FOCAD: variants seen among roughly 807,000 people sequenced by gnomAD.
FOCAD encodes the protein focadhesin.
A neutral mutation model predicts 225.6 loss-of-function variants in FOCAD; 198 were observed. The observed-to-expected ratio is 0.88, with a 90% CI of 0.78 to 0.99. The LOEUF (loss-of-function observed/expected upper bound fraction) is 0.99. Among genes scored for constraint, FOCAD ranks in the 50% least tolerant of loss-of-function variants. The probability of loss-of-function intolerance (pLI) is 0.00; values close to 1 mark genes in which losing one functional copy is unlikely to be tolerated. For missense variants in FOCAD, 2,713 were observed against 2,123.6 expected (o/e 1.28, Z -5.46); for synonymous variants, 897 against 755.0 (o/e 1.19, Z -3.08).
intron 1 of FOCAD, among the ~76,000 whole-genome samples, chr9:20,700,185 G>A (rs977878067): frequency 6.6e-6 from 1 of 151,508 alleles, no homozygotes; most frequent in Non-Finnish European, 1.5e-5. Context: ...TACCCCAATG[G>A]GAAATACACA....
intron 11 of FOCAD, among the ~76,000 whole-genome samples, chr9:20,816,917 A>G (rs575782159): frequency 6.6e-6 from 1 of 152,160 alleles, no homozygotes; most frequent in South Asian, 2.1e-4. Context: ...AAAGTGTATG[A>G]AAGGATGTGC....
At chr9:20,761,461 C>A (rs1185102518) in intron 6 of FOCAD, among the ~76,000 whole-genome samples, 1 of 152,004 alleles carries the variant, frequency 6.6e-6, no homozygotes, top group Non-Finnish European at 1.5e-5. Context: ...CACTCTGTTG[C>A]CCAGGCTGGA....
intron 1 of FOCAD, among the ~76,000 whole-genome samples, chr9:20,698,301 T>A (rs1247642318): frequency 6.6e-6 from 1 of 152,140 alleles, no homozygotes; most frequent in Admixed American, 6.6e-5. Context: ...GCCTATTTGT[T>A]TTTTTAATTC....
chr9:20,902,978 T>C, intron 21 of FOCAD, among the ~76,000 whole-genome samples: 1 of 152,112 alleles, frequency 6.6e-6, no homozygotes, highest in Non-Finnish European at 1.5e-5. Flanking sequence ...TTTTCAATTC[T>C]ATTTTTATTT....
Position 20,978,455 on chromosome 9 carries a change from G to T in FOCAD, c.4377+1G>T. ...ACCACCACTGATCCACAGTCTGAGT[G>T]TATGTAGTAACTAAGGGTGTTGGCC... is the stretch of plus-strand genomic sequence containing the variant. On this transcript the variant is annotated splice_donor_variant, in intron 37 of 43. Transcript: ENST00000338382. LOFTEE classifies it high-confidence loss of function. The T allele has an allele frequency of 6.3e-7, 1 of 1,592,656 alleles. No individual in the cohort carries two copies.
intron 2 of FOCAD, among the ~76,000 whole-genome samples, chr9:20,673,493 C>A (rs926757636): frequency 6.6e-6 from 1 of 152,064 alleles, no homozygotes; most frequent in African/African-American, 2.4e-5. Context: ...TTTGCATTCT[C>A]CTGGGGGTTA....
chr9:20,978,467 TA>T lies in FOCAD; in HGVS notation c.4377+15del. ...CCACAGTCTGAGTGTATGTAGTAACTAAGGGTGTTGGCCAACAGGAGGATAT... is the reference window on the plus strand; with the variant it reads ...CCACAGTCTGAGTGTATGTAGTAACTAGGGTGTTGGCCAACAGGAGGATAT... On this transcript the variant is annotated intron_variant, in intron 37 of 43. Transcript: ENST00000338382. 1 of 1,549,960 alleles carries T rather than the reference TA, an allele frequency of 6.5e-7. No individual in the cohort carries two copies. The highest frequency in any genetic ancestry group is 1.2e-5 in the South Asian group (1 of 85,112).
At position 20,820,971 on chromosome 9, in the gene FOCAD, A is replaced by G. The variant is rs753188337; in HGVS notation, c.1693A>G (p.Met565Val). Residue 565 changes from methionine to valine, a missense_variant, in exon 14 of 44, where the codon ATG becomes GTG. Transcript: ENST00000338382. ...AGTCTATCCTGAACTGCAGCGTTTC[A>G]TGGCTGTGTCTGATGTACCTTCTCT... ...DRVYPELQRF[M>V]AVSDVPSLSV... is the part of the protein sequence containing the mutation. 1.3e-5 allele frequency: 21 copies of G among 1,612,620 alleles called. No individual in the cohort carries two copies. The highest frequency in any genetic ancestry group is 1.5e-5 in the Non-Finnish European group (18 of 1,179,110).
chr9:20,849,315 T>G (rs1378546514), intron 15 of FOCAD, among the ~76,000 whole-genome samples: 1 of 151,854 alleles, frequency 6.6e-6, no homozygotes, highest in African/African-American at 2.4e-5. Context: ...TGGACTCTTT[T>G]GGAAATCAAC....
chr9:20,724,118 C>T (rs756678893), intron 4 of FOCAD, among the ~76,000 whole-genome samples: 3 of 152,168 alleles, frequency 2.0e-5, no homozygotes, highest in Non-Finnish European at 4.4e-5. Context: ...TCACCCCCTA[C>T]CAGGCCTCAT....
intron 29 of FOCAD, 108 bp downstream of exon 29, chr9:20,944,882 C>A: frequency 1.7e-6 from 2 of 1,191,012 alleles, no homozygotes; most frequent in Non-Finnish European, 2.3e-6. Context: ...TAAATTCTTC[C>A]TCAAAGAGAA....
At chr9:20,766,657 C>A (rs1830076037) in intron 7 of FOCAD, among the ~76,000 whole-genome samples, 1 of 151,656 alleles carries the variant, frequency 6.6e-6, no homozygotes, top group Non-Finnish European at 1.5e-5. Flanking sequence ...TTCCTCCTCA[C>A]CTCCCTCCCT....
At chr9:20,896,814 T>A (rs936421217) in intron 21 of FOCAD, among the ~76,000 whole-genome samples, 1 of 151,898 alleles carries the variant, frequency 6.6e-6, no homozygotes, top group African/African-American at 2.4e-5. Flanking sequence ...TGGTTCAGAA[T>A]GTGGTCAGTA....
chr9:20,854,730 T>C (rs1266399529), intron 15 of FOCAD, among the ~76,000 whole-genome samples: 1 of 151,902 alleles, frequency 6.6e-6, no homozygotes, highest in East Asian at 1.9e-4. Flanking sequence ...CAGTATCTTA[T>C]AGACAGACTA....
intron 15 of FOCAD, among the ~76,000 whole-genome samples, chr9:20,848,815 G>A (rs1047087991): frequency 1.3e-5 from 2 of 151,842 alleles, no homozygotes; most frequent in Non-Finnish European, 2.9e-5. Context: ...AGACATGGCT[G>A]TACTGTAGTT....
At chr9:20,656,740 G>C (rs1251916294), upstream of FOCAD, among the ~76,000 whole-genome samples, 1 of 152,112 alleles carries the variant, frequency 6.6e-6, no homozygotes, top group African/African-American at 2.4e-5. Flanking sequence ...CAATTTGCCA[G>C]TCTGTGTCTT....
At chr9:20,746,087 A>G (rs1470662549) in intron 5 of FOCAD, among the ~76,000 whole-genome samples, 2 of 152,240 alleles carry the variant, frequency 1.3e-5, no homozygotes, top group Non-Finnish European at 2.9e-5. Flanking sequence ...AAGAAAAGCA[A>G]TAGCAAGTCC....
Position 20,882,015 on chromosome 9 carries a change from A to G in FOCAD, c.2462A>G (p.Tyr821Cys), listed in dbSNP as rs781276645. 9 of 1,613,930 alleles carry G rather than the reference A, an allele frequency of 5.6e-6. No individual in the cohort carries two copies. The highest frequency in any genetic ancestry group is 7.6e-6 in the Non-Finnish European group (9 of 1,179,848). ...AGIPNFILKM[Y>C]ETNKQPGLKP... ...ATCCCCAATTTTATATTGAAAATGTATGAAACAAACAAGCAACCAGGACTG... is the reference window on the plus strand; with the variant it reads ...ATCCCCAATTTTATATTGAAAATGTGTGAAACAAACAAGCAACCAGGACTG... Residue 821 changes from tyrosine to cysteine, a missense_variant, in exon 20 of 44, where the codon TAT becomes TGT. Coordinates refer to ENST00000338382, the MANE Select transcript of FOCAD (RefSeq NM_001375567.1).
intron 27 of FOCAD, among the ~76,000 whole-genome samples, chr9:20,932,415 T>C (rs556958605): frequency 1.3e-5 from 2 of 152,176 alleles, no homozygotes; most frequent in Non-Finnish European, 2.9e-5. Context: ...GGGACAACCA[T>C]AGAACCTTTT....
Sources: allele counts gnomAD v4.1 joint callset (sites outside exome capture counted in the v4.1 genomes callset), GRCh38; gene constraint gnomAD v4.1.1; transcripts MANE v1.5; gene names NCBI Gene and HGNC (gene_info 2026-07-23, HGNC 2026-07-21).